PIEZO2: variants seen among roughly 807,000 people sequenced by gnomAD.
PIEZO2 encodes piezo-type mechanosensitive ion channel component 2.
In PIEZO2, 172 loss-of-function variants were observed where a neutral mutation model predicts 337.3. The observed-to-expected ratio is 0.51, with a 90% CI of 0.45 to 0.58. The LOEUF (loss-of-function observed/expected upper bound fraction) is 0.58, where lower values mean the gene tolerates loss of function less well. Among genes scored for constraint, PIEZO2 ranks in the 20% least tolerant of loss-of-function variants. The pLI, the probability that PIEZO2 is intolerant of heterozygous loss-of-function variation, is 0.00. For synonymous variants in PIEZO2, 1,251 were observed against 1,228.5 expected, an observed-to-expected ratio of 1.02 and a Z score of -0.38; for missense variants, 3,028 against 3,391.3, an observed-to-expected ratio of 0.89 and a Z score of 2.66.
At chr18:10,866,983 G>C (rs183372701) in intron 5 of PIEZO2, among the ~76,000 whole-genome samples, 1 of 152,160 alleles carries the variant, frequency 6.6e-6, no homozygotes, top group Non-Finnish European at 1.5e-5. Flanking sequence ...TGACCTTAAG[G>C]ACCAGCAAAG....
chr18:10,909,580 A>T (rs1215266018), intron 4 of PIEZO2, among the ~76,000 whole-genome samples: 2 of 152,208 alleles, frequency 1.3e-5, no homozygotes. Flanking sequence ...TGACCTATGT[A>T]GGGATGAAAT....
At chr18:10,892,015 T>C (rs1220902569) in intron 4 of PIEZO2, among the ~76,000 whole-genome samples, 2 of 152,200 alleles carry the variant, frequency 1.3e-5, no homozygotes, top group African/African-American at 4.8e-5. Context: ...GCAGGATTGA[T>C]AGGCAGTCAG....
At chr18:11,023,541 A>G (rs2036397198) in intron 2 of PIEZO2, among the ~76,000 whole-genome samples, 1 of 152,200 alleles carries the variant, frequency 6.6e-6, no homozygotes, top group Non-Finnish European at 1.5e-5. Context: ...GCTAGACATA[A>G]AGGTTCTCCA....
chr18:10,820,624 A>G (rs1728015), intron 7 of PIEZO2, among the ~76,000 whole-genome samples: 32,015 of 152,086 alleles, frequency 0.21, 3,574 homozygotes, highest in African/African-American at 0.28. Context: ...GGTTTCACTT[A>G]TAGTTTGATT....
In PIEZO2 at chr18:10,672,923, T is replaced by G; in HGVS notation, c.8162-50A>C. 6.8e-7 allele frequency: 1 copy of G among 1,472,068 alleles called. No individual in the cohort carries two copies. Among genetic ancestry groups the G allele is most frequent in the Non-Finnish European group, 9.3e-7 (1 of 1,071,354 alleles). 91.2% of individuals were successfully genotyped at this position (1,472,068 alleles called of 1,614,324 possible). The stretch of plus-strand genomic sequence containing the variant: ...AAGTTGACATGAGAATTTTAGGATT[T>G]CATGCACAGCAACAGTTTTCAGATG... On this transcript the variant is annotated intron_variant, in intron 54 of 55. Coordinates refer to ENST00000674853, the MANE Select transcript of PIEZO2 (RefSeq NM_001378183.1). This position sits in a 1 kb window ranked among gnomAD's most constrained non-coding sequence, Gnocchi z 4.7.
At chr18:10,774,262 C>A (rs1311111363) in intron 18 of PIEZO2, among the ~76,000 whole-genome samples, 1 of 152,158 alleles carries the variant, frequency 6.6e-6, no homozygotes, top group Non-Finnish European at 1.5e-5. Flanking sequence ...GACAGGATTG[C>A]AGGTTTGTAA....
intron 3 of PIEZO2, among the ~76,000 whole-genome samples, chr18:10,959,347 A>G (rs2033669230): frequency 6.6e-6 from 1 of 152,208 alleles, no homozygotes. Context: ...TTTTACACTT[A>G]ACAATTATCT....
rs559205475 is a variant in PIEZO2, at chr18:10,854,424, G to C, written c.917+929C>G. Among the ~76,000 whole-genome samples the C allele has an allele frequency of 8.5e-5, 13 of 152,138 alleles. No individual in the cohort carries two copies. Among genetic ancestry groups the C allele is most frequent in the African/African-American group, 2.7e-4 (11 of 41,508 alleles). ...CACGACCTTTATAGTAATTATTTCA[G>C]GTGTGGACATAATAGAACATATCAT... On this transcript the variant is annotated intron_variant, in intron 7 of 55. Coordinates refer to ENST00000674853, the MANE Select transcript of PIEZO2 (RefSeq NM_001378183.1). The surrounding 1 kb of genome is among the most constrained non-coding windows in gnomAD (Gnocchi z 4.6).
chr18:11,148,500 C>T lies in PIEZO2; in HGVS notation c.64+25G>A, dbSNP rs1011319506. Reference sequence around the variant, plus strand: ...GCGCCCCCCTCGTCCTCCTCAAGTGCCCTCGGAAAGCGGACCAGACTCACC... The same window carrying T: ...GCGCCCCCCTCGTCCTCCTCAAGTGTCCTCGGAAAGCGGACCAGACTCACC... On this transcript the variant is annotated intron_variant, in intron 1 of 55. Coordinates refer to ENST00000674853, the MANE Select transcript of PIEZO2 (RefSeq NM_001378183.1). This position sits in a 1 kb window ranked among gnomAD's most constrained non-coding sequence, Gnocchi z 5.2. 3.3e-6 allele frequency: 5 copies of T among 1,536,778 alleles called. No homozygotes were observed. In the African/African-American group the frequency reaches 4.1e-5, roughly 13 times the overall value.
intron 2 of PIEZO2, among the ~76,000 whole-genome samples, chr18:11,007,653 T>C (rs1387334802): frequency 1.3e-5 from 2 of 152,016 alleles, no homozygotes; most frequent in Non-Finnish European, 2.9e-5. Context: ...GGGAGGACAA[T>C]GAAAAGAATT....
chr18:11,021,653 CA>C lies in PIEZO2; in HGVS notation c.161-41994del, dbSNP rs2036317307. ...GTCTCACGGATCTGGTGATCCAGCA[CA>C]CAGCTCGTGCTGTAACTGCACTGAT... On this transcript the variant is annotated intron_variant, in intron 2 of 55. Coordinates refer to ENST00000674853, the MANE Select transcript of PIEZO2 (RefSeq NM_001378183.1). This position sits in a 1 kb window ranked among gnomAD's most constrained non-coding sequence, Gnocchi z 4.7. Among the ~76,000 whole-genome samples, 1 of 152,224 alleles carries C rather than the reference CA, an allele frequency of 6.6e-6. No homozygotes were observed. Among genetic ancestry groups the C allele is most frequent in the South Asian group, 2.1e-4 (1 of 4,832 alleles).
intron 47 of PIEZO2, among the ~76,000 whole-genome samples, chr18:10,691,782 C>CACACACACACACACACACATATAT: frequency 1.0e-5 from 1 of 96,616 alleles, no homozygotes; most frequent in Admixed American, 1.1e-4. Flanking sequence ...CACACACACA[C>CACACACACACACACACACATATAT]ATATATATAT....
chr18:10,874,564 A>G (rs1273081635), intron 4 of PIEZO2, among the ~76,000 whole-genome samples: 2 of 152,238 alleles, frequency 1.3e-5, no homozygotes, highest in Non-Finnish European at 2.9e-5. Context: ...AATCAACTTG[A>G]GTGTCCATCA....
chr18:11,053,698 A>G (rs1211382536), intron 2 of PIEZO2, among the ~76,000 whole-genome samples: 1 of 152,218 alleles, frequency 6.6e-6, no homozygotes, highest in East Asian at 1.9e-4. Flanking sequence ...TCACTATATC[A>G]TAAGTTATAA....
At chr18:11,004,496 C>T (rs562330658) in intron 2 of PIEZO2, among the ~76,000 whole-genome samples, 1 of 152,292 alleles carries the variant, frequency 6.6e-6, no homozygotes, top group Non-Finnish European at 1.5e-5. Context: ...TGATTCAGAA[C>T]ATGAAAAGTA....
chr18:11,001,226 T>A lies in PIEZO2; in HGVS notation c.161-21566A>T, dbSNP rs2035521442. Among the ~76,000 whole-genome samples, 1 of 152,096 alleles carries A rather than the reference T, an allele frequency of 6.6e-6. No homozygotes were observed. The highest frequency in any genetic ancestry group is 6.5e-5 in the Admixed American group (1 of 15,278). ...AGGCAGGGCTGCCGCTAGCATATGGTCTCCAGCTCAGAAGGTACTTTATGG... is the reference window on the plus strand; with the variant it reads ...AGGCAGGGCTGCCGCTAGCATATGGACTCCAGCTCAGAAGGTACTTTATGG... On this transcript the variant is annotated intron_variant, in intron 2 of 55. Transcript: ENST00000674853. The surrounding 1 kb of genome is among the most constrained non-coding windows in gnomAD (Gnocchi z 5.3).
chr18:10,722,877 C>G (rs2036376576), intron 36 of PIEZO2, among the ~76,000 whole-genome samples: 1 of 151,374 alleles, frequency 6.6e-6, no homozygotes, highest in African/African-American at 2.4e-5. Context: ...TAAGAATGAC[C>G]AGCAAGGCAT....
rs1389780604 is a variant in PIEZO2 at position 11,016,391 on chromosome 18, G to C, written c.161-36731C>G. Among the ~76,000 whole-genome samples the C allele has an allele frequency of 6.6e-6, 1 of 152,164 alleles. No homozygotes were observed. Among genetic ancestry groups the C allele is most frequent in the Admixed American group, 6.5e-5 (1 of 15,284 alleles). On this transcript the variant is annotated intron_variant, in intron 2 of 55. Transcript: ENST00000674853. This position sits in a 1 kb window ranked among gnomAD's most constrained non-coding sequence, Gnocchi z 5.6. Reference sequence around the variant, plus strand: ...ACATCCAGAGGCAGAAAGGAGGCTGGAGGGCACTGACAACACAGAGGAACC... The same window carrying C: ...ACATCCAGAGGCAGAAAGGAGGCTGCAGGGCACTGACAACACAGAGGAACC...
chr18:10,771,532 T>C (rs1490691247), intron 20 of PIEZO2, among the ~76,000 whole-genome samples: 1 of 152,214 alleles, frequency 6.6e-6, no homozygotes, highest in East Asian at 1.9e-4. Flanking sequence ...AAGTCCTAAG[T>C]ATCTCTTTAA....
Sources: allele counts gnomAD v4.1 joint callset (sites outside exome capture counted in the v4.1 genomes callset), GRCh38; gene constraint gnomAD v4.1.1; non-coding constraint Gnocchi (gnomAD v3.1); transcripts MANE v1.5; gene names NCBI Gene and HGNC (gene_info 2026-07-23, HGNC 2026-07-21).